PABPC4L: variants seen among roughly 807,000 people sequenced by gnomAD.
The protein encoded by PABPC4L is polyadenylate-binding protein 4-like.
For missense variants in PABPC4L, 452 were observed against 451.4 expected, an observed-to-expected ratio of 1.00 and a Z score of -0.01; for synonymous variants, 169 against 164.1, an observed-to-expected ratio of 1.03 and a Z score of -0.23.
chr4:134,005,046 C>T, the PABPC4L span, among the ~76,000 whole-genome samples: 1 of 151,752 alleles, frequency 6.6e-6, no homozygotes, highest in East Asian at 1.9e-4. Context: ...ATCTATTGTA[C>T]AGCATGGTGA....
At chr4:134,128,162 T>A in the PABPC4L span, among the ~76,000 whole-genome samples, 1 of 152,170 alleles carries the variant, frequency 6.6e-6, no homozygotes, top group Non-Finnish European at 1.5e-5. Flanking sequence ...TTTGGGATTA[T>A]GTTAAACGAC....
At chr4:134,095,433 G>A in the PABPC4L span, among the ~76,000 whole-genome samples, 1 of 151,814 alleles carries the variant, frequency 6.6e-6, no homozygotes, top group Non-Finnish European at 1.5e-5. Flanking sequence ...TATTTCTATG[G>A]TCATGTTAAA....
At chr4:134,132,787 T>C in the PABPC4L span, among the ~76,000 whole-genome samples, 2 of 150,664 alleles carry the variant, frequency 1.3e-5, no homozygotes, top group African/African-American at 4.9e-5. Flanking sequence ...CTATTTGCAA[T>C]TGCAAAAGTA....
the PABPC4L span, among the ~76,000 whole-genome samples, chr4:134,053,220 C>A: frequency 6.6e-6 from 1 of 152,066 alleles, no homozygotes; most frequent in Admixed American, 6.6e-5. Context: ...AAGCCTTGAT[C>A]TGTAACAGTT....
At chr4:134,182,249 G>A in the PABPC4L span, among the ~76,000 whole-genome samples, 125 of 152,032 alleles carry the variant, frequency 8.2e-4, no homozygotes, top group Non-Finnish European at 3.7e-4. Flanking sequence ...GCATGACACT[G>A]GTACAAAAAC....
At chr4:134,132,012 T>G in the PABPC4L span, among the ~76,000 whole-genome samples, 1 of 152,024 alleles carries the variant, frequency 6.6e-6, no homozygotes, top group East Asian at 1.9e-4. Context: ...GCAAGCCACA[T>G]GTAGAAGAAA....
the PABPC4L span, among the ~76,000 whole-genome samples, chr4:134,165,288 C>A: frequency 2.6e-5 from 4 of 151,956 alleles, no homozygotes; most frequent in Admixed American, 1.3e-4. Context: ...ATAAATGAGA[C>A]CTCATTAAAT....
At chr4:133,967,670 C>T in the PABPC4L span, among the ~76,000 whole-genome samples, 8 of 152,096 alleles carry the variant, frequency 5.3e-5, no homozygotes, top group Admixed American at 2.0e-4. Context: ...TGCAATGAGG[C>T]GGCAGCATCT....
the PABPC4L span, among the ~76,000 whole-genome samples, chr4:134,091,699 TG>T: frequency 6.6e-6 from 1 of 151,898 alleles, no homozygotes; most frequent in South Asian, 2.1e-4. Flanking sequence ...AATAAATTTT[TG>T]AGTTTTTTTT....
At chr4:134,133,408 T>C in the PABPC4L span, among the ~76,000 whole-genome samples, 9 of 144,524 alleles carry the variant, frequency 6.2e-5, no homozygotes, top group Non-Finnish European at 4.5e-5. Flanking sequence ...TATTATATAT[T>C]ATTATATGGT....
chr4:133,971,106 C>CTTT, the PABPC4L span, among the ~76,000 whole-genome samples: 35 of 63,986 alleles, frequency 5.5e-4, no homozygotes, highest in African/African-American at 1.0e-3. Flanking sequence ...ATCTTATATT[C>CTTT]TTTTTTTTTT....
At chr4:134,195,948 A>AT (rs1729642716), downstream of PABPC4L, among the ~76,000 whole-genome samples, 2 of 151,502 alleles carry the variant, frequency 1.3e-5, no homozygotes, top group African/African-American at 4.8e-5. Flanking sequence ...GAAAGTGTAG[A>AT]TTTTTTAAAA....
chr4:134,066,794 T>C, the PABPC4L span, among the ~76,000 whole-genome samples: 2 of 152,176 alleles, frequency 1.3e-5, no homozygotes, highest in East Asian at 1.9e-4. Flanking sequence ...TCTATTGAGA[T>C]GATCATTAGC....
chr4:134,009,201 A>G, the PABPC4L span, among the ~76,000 whole-genome samples: 4 of 151,952 alleles, frequency 2.6e-5, no homozygotes, highest in Non-Finnish European at 5.9e-5. Context: ...ACACACATAT[A>G]CACAATTATT....
the PABPC4L span, among the ~76,000 whole-genome samples, chr4:133,976,159 A>G: frequency 6.6e-6 from 1 of 152,010 alleles, no homozygotes; most frequent in Non-Finnish European, 1.5e-5. Flanking sequence ...CCCTGGGTCC[A>G]TATGTTCTCA....
chr4:134,200,142 AC>A lies in PABPC4L; in HGVS notation c.877del (p.Val293Ter), dbSNP rs1340695570. 5.2e-6 allele frequency: 8 copies of A among 1,551,436 alleles called. No individual in the cohort carries two copies. Among genetic ancestry groups the A allele is most frequent in the African/African-American group, 2.7e-5 (2 of 72,998 alleles). On this transcript the variant is annotated frameshift_variant, in exon 2 of 2. Coordinates refer to ENST00000421491, the MANE Select transcript of PABPC4L (RefSeq NM_001114734.2). LOFTEE classifies it low-confidence loss of function (END_TRUNC). ...KRERIRGCQG[V>X]KLYIKNLDDT... is the part of the protein sequence containing the mutation. Reference sequence around the variant, plus strand: ...ATCAAGGTTCTTAATATAGAGTTTTACCCCCTGGCACCCACGAATTCGTTCC... The same window carrying A: ...ATCAAGGTTCTTAATATAGAGTTTTACCCCTGGCACCCACGAATTCGTTCC...
At chr4:134,149,038 A>G in the PABPC4L span, among the ~76,000 whole-genome samples, 1 of 152,104 alleles carries the variant, frequency 6.6e-6, no homozygotes, top group Admixed American at 6.6e-5. Flanking sequence ...ATGTATCAGA[A>G]ATATATTCAG....
the PABPC4L span, among the ~76,000 whole-genome samples, chr4:134,116,708 TAAC>T: frequency 6.6e-6 from 1 of 151,742 alleles, no homozygotes; most frequent in Non-Finnish European, 1.5e-5. Context: ...TTAAATATAA[TAAC>T]AATATTAAGA....
At chr4:133,956,995 G>A in the PABPC4L span, among the ~76,000 whole-genome samples, 1 of 152,002 alleles carries the variant, frequency 6.6e-6, no homozygotes, top group Non-Finnish European at 1.5e-5. Context: ...GATTTGGGTG[G>A]GGACACAATC....
Sources: allele counts gnomAD v4.1 joint callset (sites outside exome capture counted in the v4.1 genomes callset), GRCh38; gene constraint gnomAD v4.1.1; transcripts MANE v1.5; gene names NCBI Gene and HGNC (gene_info 2026-07-23, HGNC 2026-07-21).